OSMR: variants seen among roughly 807,000 people sequenced by gnomAD.
The protein encoded by OSMR is oncostatin M receptor, also known as oncostatin-M-specific receptor subunit beta.
Under a neutral mutation model 99.9 loss-of-function variants are expected in OSMR, and 81 were observed. The observed-to-expected ratio is 0.81, with a 90% CI of 0.68 to 0.97. OSMR has a LOEUF of 0.97. Ranked by LOEUF, OSMR falls within the 50% of genes least tolerant of loss-of-function variation. The pLI is 0.00. For missense variants in OSMR, 1,099 were observed against 1,153.4 expected, an observed-to-expected ratio of 0.95 and a Z score of 0.68; for synonymous variants, 406 against 410.4, an observed-to-expected ratio of 0.99 and a Z score of 0.13.
At chr5:38,852,084 T>C (rs1000816595) in intron 1 of OSMR, among the ~76,000 whole-genome samples, 1 of 152,222 alleles carries the variant, frequency 6.6e-6, no homozygotes, top group Non-Finnish European at 1.5e-5. Context: ...ATACATTCAC[T>C]CAATATTTTA....
At chr5:38,938,751 T>G (rs890802717), downstream of OSMR, 7 of 232,820 alleles carry the variant, frequency 3.0e-5, no homozygotes, top group Non-Finnish European at 6.0e-5. Context: ...ACTGGTATGC[T>G]TTTAAATGAG....
chr5:38,895,651 G>A (rs2112482016), intron 7 of OSMR, among the ~76,000 whole-genome samples: 1 of 152,022 alleles, frequency 6.6e-6, no homozygotes, highest in East Asian at 1.9e-4. Context: ...AACTTAATGA[G>A]ATTCTATTTG....
At chr5:38,857,919 C>T (rs1039750149) in intron 1 of OSMR, among the ~76,000 whole-genome samples, 20 of 152,280 alleles carry the variant, frequency 1.3e-4, no homozygotes, top group African/African-American at 4.3e-4. Flanking sequence ...CCTCCCACCT[C>T]AGCCTCCCAA....
Position 38,880,716 on chromosome 5 carries a change from G to A in OSMR, c.247-877G>A, listed in dbSNP as rs147694197. On this transcript the variant is annotated intron_variant, in intron 3 of 17. Coordinates refer to ENST00000274276, the MANE Select transcript of OSMR (RefSeq NM_003999.3). ...AAGCATAAGGCATATCCAGAAGTGT[G>A]GGGGAGGTGCTATGTTTGGAGAGAC... Among the ~76,000 whole-genome samples the A allele has an allele frequency of 3.3e-5, 5 of 152,336 alleles. No individual in the cohort carries two copies. The East Asian group carries it at 9.7e-4, about 29-fold the overall frequency.
chr5:38,921,447 A>T (rs939109977), intron 11 of OSMR, 168 bp from the exon 12 acceptor site: 25 of 979,642 alleles, frequency 2.6e-5, no homozygotes, highest in Non-Finnish European at 2.8e-5. Flanking sequence ...GTAAGAGACA[A>T]GAACTCACCC....
intron 9 of OSMR, among the ~76,000 whole-genome samples, chr5:38,910,870 C>T (rs1342006218): frequency 1.3e-5 from 2 of 152,006 alleles, no homozygotes; most frequent in African/African-American, 4.8e-5. Context: ...ATTAGCCAGG[C>T]GTGGTGGCAC....
At chr5:38,937,832 A>C (rs2112735106), downstream of OSMR, 1 of 170,580 alleles carries the variant, frequency 5.9e-6, no homozygotes, top group East Asian at 1.1e-4. The surrounding 1 kb of genome is among the most constrained non-coding windows in gnomAD (Gnocchi z 4.0). Context: ...GCTTGGAGTC[A>C]CGTGTGTCAG....
At chr5:38,865,109 G>A (rs1415348189) in intron 1 of OSMR, among the ~76,000 whole-genome samples, 1 of 152,006 alleles carries the variant, frequency 6.6e-6, no homozygotes, top group Non-Finnish European at 1.5e-5. Context: ...CTTCTGTTTG[G>A]TTCCTTTTAA....
At chr5:38,868,908 A>G in intron 1 of OSMR, 124 bp from the exon 2 acceptor site, 1 of 1,132,136 alleles carries the variant, frequency 8.8e-7, no homozygotes, top group Non-Finnish European at 1.3e-6. Context: ...GACAAGAGGC[A>G]TGGATACAGG....
intron 16 of OSMR, 42 bp downstream of exon 16, chr5:38,932,006 G>GAA (rs777235124): frequency 7.3e-7 from 1 of 1,372,388 alleles, no homozygotes; most frequent in Non-Finnish European, 1.0e-6. Flanking sequence ...GAGAGTAAGA[G>GAA]AAAAGTCTGG....
downstream of OSMR, among the ~76,000 whole-genome samples, chr5:38,936,563 C>CTAAT (rs1747054372): frequency 6.6e-6 from 1 of 152,182 alleles, no homozygotes; most frequent in Non-Finnish European, 1.5e-5. Context: ...CTAACCCATA[C>CTAAT]TAATTAGGGT....
At chr5:38,886,308 A>C in intron 7 of OSMR, 118 bp downstream of exon 7, 1 of 1,576,826 alleles carries the variant, frequency 6.3e-7, no homozygotes, top group Non-Finnish European at 8.6e-7. Context: ...GGTGAGAGTT[A>C]GAATTTATAC....
intron 13 of OSMR, among the ~76,000 whole-genome samples, chr5:38,923,636 CAT>C (rs982627196): frequency 1.3e-5 from 2 of 152,058 alleles, no homozygotes; most frequent in African/African-American, 2.4e-5. Flanking sequence ...ACTTTCCACA[CAT>C]GTTGTGAAAT....
chr5:38,929,129 G>A (rs1483365945), intron 15 of OSMR, among the ~76,000 whole-genome samples: 2 of 152,222 alleles, frequency 1.3e-5, no homozygotes, highest in South Asian at 2.1e-4. Flanking sequence ...CTGTACCTCA[G>A]ATATTGTTAG....
chr5:38,895,706 G>T (rs1003959028), intron 7 of OSMR, among the ~76,000 whole-genome samples: 27 of 151,884 alleles, frequency 1.8e-4, no homozygotes, highest in African/African-American at 5.8e-4. Context: ...TATTACTCAA[G>T]AAATTTTACT....
At chr5:38,861,328 C>G (rs922985753) in intron 1 of OSMR, among the ~76,000 whole-genome samples, 27 of 152,052 alleles carry the variant, frequency 1.8e-4, no homozygotes, top group African/African-American at 3.4e-4. Context: ...TGATTCTTAA[C>G]GAGCATGCTG....
intron 7 of OSMR, among the ~76,000 whole-genome samples, chr5:38,902,401 C>T (rs918520071): frequency 2.6e-5 from 4 of 152,222 alleles, no homozygotes; most frequent in African/African-American, 7.2e-5. Flanking sequence ...AATGGCCCAA[C>T]GGGCCCTGCC....
chr5:38,895,789 T>C (rs1269408577), intron 7 of OSMR, among the ~76,000 whole-genome samples: 3 of 152,138 alleles, frequency 2.0e-5, no homozygotes, highest in Admixed American at 2.0e-4. Flanking sequence ...TTTAAGGTCT[T>C]AGATTTAAGT....
intron 1 of OSMR, among the ~76,000 whole-genome samples, chr5:38,852,474 TTAA>T (rs1740455165): frequency 6.6e-6 from 1 of 152,126 alleles, no homozygotes; most frequent in Non-Finnish European, 1.5e-5. Context: ...TAAGACCTTT[TTAA>T]ACGTTACCAA....
Sources: gnomAD v4.1 joint callset for allele counts (sites outside exome capture counted in the v4.1 genomes callset) on GRCh38, gnomAD v4.1.1 for gene constraint, Gnocchi (gnomAD v3.1) non-coding constraint, MANE v1.5 for transcripts, NCBI Gene and HGNC (gene_info 2026-07-23, HGNC 2026-07-21) for gene names.